LRP1B: variants seen among roughly 807,000 people sequenced by gnomAD.
The protein encoded by LRP1B is low-density lipoprotein receptor-related protein 1B.
A neutral mutation model predicts 556.6 loss-of-function variants in LRP1B; 217 were observed. That is an observed-to-expected ratio of 0.39 (90% CI 0.35 to 0.44). The LOEUF is 0.44. Ranked by LOEUF, LRP1B falls within the 20% of genes least tolerant of loss-of-function variation. The pLI, the probability that LRP1B is intolerant of heterozygous loss-of-function variation, is 1.00. For synonymous variants in LRP1B, 2,047 were observed against 1,865.8 expected (o/e 1.10, Z -2.50); for missense variants, 5,053 against 5,620.8 (o/e 0.90, Z 3.23).
Position 140,503,027 on chromosome 2 carries a change from A to G in LRP1B, c.8598T>C (p.Asp2866=), listed in dbSNP as rs570050947. ...RCLLNTQWQC[D]GDFDCPDHSD... is the part of the protein sequence containing the mutation. Reference sequence around the variant, plus strand: ...AATGGTCAGGACAGTCAAAGTCTCCATCACACTGCCATTGAGTATTTAGAA... The same window carrying G: ...AATGGTCAGGACAGTCAAAGTCTCCGTCACACTGCCATTGAGTATTTAGAA... The change falls in exon 54 of 91, where the codon GAT becomes GAC. Residue 2866 remains aspartate (D), a synonymous_variant. Transcript: ENST00000389484. The G allele has an allele frequency of 6.2e-7, 1 of 1,613,400 alleles. No homozygotes were observed. The highest frequency in any genetic ancestry group is 1.1e-5 in the South Asian group (1 of 91,060).
intron 2 of LRP1B, among the ~76,000 whole-genome samples, chr2:141,490,321 TG>T (rs1261087901): frequency 1.3e-5 from 2 of 151,470 alleles, no homozygotes; most frequent in Non-Finnish European, 2.9e-5. Flanking sequence ...ATCCTTTTAC[TG>T]AAGGGTTTTA....
intron 2 of LRP1B, among the ~76,000 whole-genome samples, chr2:141,508,284 GA>G (rs1277606886): frequency 6.6e-6 from 1 of 152,100 alleles, no homozygotes; most frequent in African/African-American, 2.4e-5. Context: ...GACTTTTACA[GA>G]AGGTATTTGA....
At chr2:140,421,452 A>G (rs1164201411) in intron 66 of LRP1B, among the ~76,000 whole-genome samples, 5 of 151,846 alleles carry the variant, frequency 3.3e-5, no homozygotes, top group Non-Finnish European at 7.4e-5. Context: ...TACTGAATAC[A>G]TTTTTTTTCT....
At chr2:140,494,844 CTAT>C (rs112017334) in intron 56 of LRP1B, among the ~76,000 whole-genome samples, 8,469 of 151,830 alleles carry the variant, frequency 0.056, 291 homozygotes, top group African/African-American at 0.078. Context: ...TGACGAACAT[CTAT>C]TATATAAGAA....
intron 1 of LRP1B, among the ~76,000 whole-genome samples, chr2:142,054,953 A>G (rs759692093): frequency 4.7e-4 from 71 of 152,320 alleles, no homozygotes; most frequent in Non-Finnish European, 8.5e-4. Context: ...GAATTTTACA[A>G]GTAACTCAAA....
At chr2:141,878,533 T>C (rs888761009) in intron 1 of LRP1B, among the ~76,000 whole-genome samples, 1 of 151,436 alleles carries the variant, frequency 6.6e-6, no homozygotes, top group Non-Finnish European at 1.5e-5. Flanking sequence ...ATAGAAGAAA[T>C]AAAGGAAGAA....
At chr2:142,028,013 G>A (rs181186662) in intron 1 of LRP1B, among the ~76,000 whole-genome samples, 53 of 152,058 alleles carry the variant, frequency 3.5e-4, no homozygotes, top group Admixed American at 3.5e-3. Flanking sequence ...GAAGTTAACA[G>A]ATTACAAATA....
intron 7 of LRP1B, among the ~76,000 whole-genome samples, chr2:141,149,917 C>A (rs2105079582): frequency 6.6e-6 from 1 of 152,222 alleles, no homozygotes; most frequent in South Asian, 2.1e-4. Context: ...CAAATAAATC[C>A]CTGGAGGCCA....
intron 68 of LRP1B, 62 bp from the exon 69 acceptor site, chr2:140,373,199 A>G (rs1210677624): frequency 5.7e-6 from 8 of 1,414,968 alleles, no homozygotes; most frequent in Non-Finnish European, 6.8e-6. Flanking sequence ...TACACACTCA[A>G]AAGACAAGAA....
intron 41 of LRP1B, among the ~76,000 whole-genome samples, chr2:140,625,954 C>T (rs898689206): frequency 3.3e-5 from 5 of 151,940 alleles, no homozygotes; most frequent in African/African-American, 1.2e-4. Flanking sequence ...TCGCAATTGC[C>T]AAAACTTGGA....
chr2:141,732,670 G>A lies in LRP1B; in HGVS notation c.205+77609C>T, dbSNP rs73963562. Among the ~76,000 whole-genome samples the A allele has an allele frequency of 6.3e-3, 952 of 152,190 alleles. 13 individuals carry two copies. The highest frequency in any genetic ancestry group is 0.022 in the African/African-American group (911 of 41,544). On this transcript the variant is annotated intron_variant, in intron 2 of 90. Coordinates refer to ENST00000389484, the MANE Select transcript of LRP1B (RefSeq NM_018557.3). ...CCAGAAAATGATCGTGAGTAGCTTG[G>A]TAGAATTTGAAGAGGAAGGAAGAAA...
chr2:140,313,814 CAG>C (rs1273085056), intron 83 of LRP1B, among the ~76,000 whole-genome samples: 1 of 151,778 alleles, frequency 6.6e-6, no homozygotes, highest in African/African-American at 2.4e-5. Context: ...CCTCCCTTAA[CAG>C]AATAAAAATA....
At chr2:141,859,901 T>C (rs1471623953) in intron 1 of LRP1B, among the ~76,000 whole-genome samples, 1 of 152,228 alleles carries the variant, frequency 6.6e-6, no homozygotes, top group Non-Finnish European at 1.5e-5. Flanking sequence ...CACTATTTCA[T>C]CACCCTTTTC....
intron 7 of LRP1B, 144 bp from the exon 8 acceptor site, chr2:141,062,417 T>A: frequency 1.7e-6 from 1 of 599,430 alleles, no homozygotes; most frequent in Non-Finnish European, 2.9e-6. Flanking sequence ...TTCCTTATAA[T>A]ATCACTCATA....
At chr2:140,339,018 C>T (rs1681240558) in intron 77 of LRP1B, among the ~76,000 whole-genome samples, 1 of 151,734 alleles carries the variant, frequency 6.6e-6, no homozygotes, top group East Asian at 1.9e-4. Context: ...GAGTGGAAGA[C>T]ACATTTTGAC....
At chr2:141,331,083 G>A (rs951576929) in intron 3 of LRP1B, among the ~76,000 whole-genome samples, 2 of 152,126 alleles carry the variant, frequency 1.3e-5, no homozygotes, top group East Asian at 1.9e-4. Flanking sequence ...AACTATATTC[G>A]TGGGTAGCTA....
At chr2:141,810,214 A>G in intron 2 of LRP1B, 65 bp downstream of exon 2, 1 of 1,533,320 alleles carries the variant, frequency 6.5e-7, no homozygotes, top group Non-Finnish European at 9.0e-7. Flanking sequence ...TCATCTGTGA[A>G]AACAACTGAC....
intron 31 of LRP1B, among the ~76,000 whole-genome samples, chr2:140,835,827 C>T (rs139855094): frequency 1.3e-3 from 200 of 152,336 alleles, no homozygotes; most frequent in African/African-American, 4.5e-3. Flanking sequence ...GCGTGAACCA[C>T]CGCACCTGGC....
chr2:141,206,531 G>T (rs895885064), intron 6 of LRP1B, among the ~76,000 whole-genome samples: 3 of 151,942 alleles, frequency 2.0e-5, no homozygotes, highest in Non-Finnish European at 4.4e-5. Context: ...AGCTTGCAGT[G>T]AGCCGAGATC....
Sources: gnomAD v4.1 joint callset for allele counts (sites outside exome capture counted in the v4.1 genomes callset) on GRCh38, gnomAD v4.1.1 for gene constraint, MANE v1.5 for transcripts, NCBI Gene and HGNC (gene_info 2026-07-23, HGNC 2026-07-21) for gene names.